ZNF804B: variants seen among roughly 807,000 people sequenced by gnomAD.
ZNF804B encodes zinc finger protein 804B.
A neutral mutation model predicts 101.4 loss-of-function variants in ZNF804B; 80 were observed. The observed-to-expected ratio is 0.79, with a 90% confidence interval of 0.66 to 0.95. The LOEUF is 0.95. Ranked by LOEUF, ZNF804B falls within the 40% of genes least tolerant of loss-of-function variation. ZNF804B has a pLI of 0.00. For synonymous variants in ZNF804B, 622 were observed against 558.8 expected (o/e 1.11, Z -1.59); for missense variants, 1,673 against 1,561.9 (o/e 1.07, Z -1.20).
At chr7:89,133,024 T>C (rs558766090) in intron 1 of ZNF804B, among the ~76,000 whole-genome samples, 4 of 152,018 alleles carry the variant, frequency 2.6e-5, no homozygotes, top group African/African-American at 9.7e-5. Context: ...TCTGCTGCAT[T>C]ATAATGCCTT....
intron 2 of ZNF804B, among the ~76,000 whole-genome samples, chr7:89,273,730 T>C (rs1789933400): frequency 6.6e-6 from 1 of 152,190 alleles, no homozygotes; most frequent in African/African-American, 2.4e-5. Flanking sequence ...GATGTGCCAT[T>C]GCATGGCAGA....
chr7:89,279,693 G>A (rs548142954), intron 2 of ZNF804B, among the ~76,000 whole-genome samples: 2 of 152,176 alleles, frequency 1.3e-5, no homozygotes, highest in South Asian at 2.1e-4. Context: ...TGCATCCCAG[G>A]GATGAAGCCC....
intron 3 of ZNF804B, among the ~76,000 whole-genome samples, chr7:89,331,608 G>A (rs1030889725): frequency 1.3e-5 from 2 of 151,594 alleles, no homozygotes; most frequent in African/African-American, 4.8e-5. Context: ...TTCATGAAGA[G>A]GAGACGTTCT....
At chr7:89,183,410 G>A (rs370582687) in intron 1 of ZNF804B, among the ~76,000 whole-genome samples, 54 of 152,076 alleles carry the variant, frequency 3.6e-4, no homozygotes, top group Middle Eastern at 3.4e-3. Context: ...TCCTAAAAAC[G>A]CCAAAGAAGT....
chr7:88,863,547 T>A (rs1175634004), intron 1 of ZNF804B, among the ~76,000 whole-genome samples: 1 of 152,146 alleles, frequency 6.6e-6, no homozygotes, highest in Admixed American at 6.5e-5. Flanking sequence ...GTTTATAGTT[T>A]AATGGTTGAA....
At chr7:89,085,105 T>C (rs968789213) in intron 1 of ZNF804B, among the ~76,000 whole-genome samples, 1 of 150,952 alleles carries the variant, frequency 6.6e-6, no homozygotes, top group Non-Finnish European at 1.5e-5. Flanking sequence ...CAAGTAACCC[T>C]GTTCAGCATT....
rs117001850 is a variant in ZNF804B, at chr7:89,037,449, G to A, written c.109-180706G>A. Among the ~76,000 whole-genome samples, 395 of 151,716 alleles carry A rather than the reference G, an allele frequency of 2.6e-3. 1 individual carries two copies. Among genetic ancestry groups the A allele is most frequent in the Non-Finnish European group, 3.8e-3 (260 of 67,906 alleles). On this transcript the variant is annotated intron_variant, in intron 1 of 3. Transcript: ENST00000333190. ...AAATATAAACTTAAAATTTGAGGGTGCACATTTAGATTATAGTATTAGTTA... is the reference window on the plus strand; with the variant it reads ...AAATATAAACTTAAAATTTGAGGGTACACATTTAGATTATAGTATTAGTTA...
At chr7:88,778,155 A>G (rs1202030074) in intron 1 of ZNF804B, among the ~76,000 whole-genome samples, 1 of 152,154 alleles carries the variant, frequency 6.6e-6, no homozygotes, top group Non-Finnish European at 1.5e-5. Context: ...TCAAAAGAGA[A>G]TTCATTTTAA....
At chr7:88,915,604 A>G (rs1792620635) in intron 1 of ZNF804B, among the ~76,000 whole-genome samples, 1 of 151,992 alleles carries the variant, frequency 6.6e-6, no homozygotes, top group Non-Finnish European at 1.5e-5. Flanking sequence ...CATATGTAAA[A>G]GATTTTGTAG....
intron 1 of ZNF804B, among the ~76,000 whole-genome samples, chr7:89,031,213 A>G (rs200465984): frequency 1.5e-3 from 163 of 107,118 alleles, no homozygotes; most frequent in African/African-American, 3.4e-3. Flanking sequence ...GTGTGTGTGT[A>G]TATATATATA....
chr7:88,883,344 A>G (rs1338788924), intron 1 of ZNF804B, among the ~76,000 whole-genome samples: 2 of 152,132 alleles, frequency 1.3e-5, no homozygotes, highest in South Asian at 2.1e-4. Flanking sequence ...GTTTAAAATT[A>G]GGCAGAGAGT....
chr7:89,050,394 C>T (rs1460601850), intron 1 of ZNF804B, among the ~76,000 whole-genome samples: 3 of 152,122 alleles, frequency 2.0e-5, no homozygotes, highest in East Asian at 1.9e-4. Context: ...GTAATAAAGT[C>T]GTACCATTTT....
At chr7:89,147,627 G>A (rs1449050858) in intron 1 of ZNF804B, among the ~76,000 whole-genome samples, 1 of 151,962 alleles carries the variant, frequency 6.6e-6, no homozygotes, top group Non-Finnish European at 1.5e-5. Flanking sequence ...TACAGCAGGA[G>A]GTGAGCCATG....
chr7:89,242,674 C>T (rs1789388960), intron 2 of ZNF804B, among the ~76,000 whole-genome samples: 1 of 151,670 alleles, frequency 6.6e-6, no homozygotes, highest in South Asian at 2.1e-4. Flanking sequence ...GGATTTGACT[C>T]AATTTCTGCT....
intron 2 of ZNF804B, among the ~76,000 whole-genome samples, chr7:89,249,028 G>GT (rs1491284705): frequency 3.9e-5 from 3 of 76,176 alleles, no homozygotes; most frequent in Non-Finnish European, 8.3e-5. Context: ...ACCAATAACA[G>GT]TAAAAAAAAA....
At chr7:88,828,035 T>C (rs1049441560) in intron 1 of ZNF804B, among the ~76,000 whole-genome samples, 2 of 152,264 alleles carry the variant, frequency 1.3e-5, no homozygotes, top group Non-Finnish European at 2.9e-5. Flanking sequence ...AAAACACAAA[T>C]GTGATCATAC....
intron 2 of ZNF804B, among the ~76,000 whole-genome samples, chr7:89,294,981 G>A (rs2115906147): frequency 6.6e-6 from 1 of 152,180 alleles, no homozygotes; most frequent in East Asian, 1.9e-4. Flanking sequence ...TGTTCTTTGT[G>A]TGAGGACTTT....
intron 1 of ZNF804B, among the ~76,000 whole-genome samples, chr7:88,928,755 T>A (rs1584022084): frequency 6.6e-6 from 1 of 152,296 alleles, no homozygotes; most frequent in East Asian, 1.9e-4. Context: ...AGAAAAGTGT[T>A]CTGTAATGTG....
chr7:89,201,987 C>T (rs534985349), intron 1 of ZNF804B, among the ~76,000 whole-genome samples: 48 of 152,098 alleles, frequency 3.2e-4, no homozygotes, highest in Non-Finnish European at 3.4e-4. Context: ...GCCTAACATA[C>T]GATTTTGTAC....
Sources: gnomAD v4.1 joint callset for allele counts (sites outside exome capture counted in the v4.1 genomes callset) on GRCh38, gnomAD v4.1.1 for gene constraint, MANE v1.5 for transcripts, NCBI Gene and HGNC (gene_info 2026-07-23, HGNC 2026-07-21) for gene names.